The following PICK1 variants were observed in gnomAD, a reference collection of about 807,000 sequenced individuals.
The protein encoded by PICK1 is PRKCA-binding protein.
PICK1 carries 23 observed loss-of-function variants against 48.9 expected under a neutral mutation model. The ratio of observed to expected loss-of-function variants is 0.47; its 90% CI spans 0.34 to 0.67. PICK1 has a LOEUF of 0.67. PICK1 is among the 30% of genes least tolerant of loss of function. The probability of loss-of-function intolerance (pLI) is 0.01; values close to 1 mark genes in which losing one functional copy is unlikely to be tolerated. For synonymous variants in PICK1, 217 were observed against 228.2 expected (o/e 0.95, Z 0.44); for missense variants, 423 against 557.1 (o/e 0.76, Z 2.42).
Position 38,057,542 on chromosome 22 carries a change from G to A in PICK1, c.-103G>A. ...CCTGGAGACCCGTGGGGCGGACTCTGGGATCTGAGCCTATCGCCCTGGCCT... is the reference window on the plus strand; with the variant it reads ...CCTGGAGACCCGTGGGGCGGACTCTAGGATCTGAGCCTATCGCCCTGGCCT... On this transcript the variant is annotated 5_prime_UTR_variant, in exon 1 of 13. Coordinates refer to ENST00000356976, the MANE Select transcript of PICK1 (RefSeq NM_012407.4). The A allele has an allele frequency of 1.9e-6, 1 of 520,602 alleles. No homozygotes were observed. 32.2% of individuals were successfully genotyped at this position (520,602 alleles called of 1,614,324 possible). A position where few individuals can be genotyped will look rare whatever the true frequency, so the allele number is the denominator to read the frequency against.
In PICK1 at chr22:38,067,707, G is replaced by T; in HGVS notation, c.286G>T (p.Glu96Ter). ...VAKMIQEVKG[E>*]VTIHYNKLQA... ...TCTGTGTGTGCTGCTCTTCCAGGGG[G>T]AGGTGACCATCCACTACAACAAGCT... is the stretch of plus-strand genomic sequence containing the variant. Residue 96 changes from glutamate to a stop codon, truncating the protein, a stop_gained, in exon 5 of 13, where the codon GAG becomes TAG. Coordinates refer to ENST00000356976, the MANE Select transcript of PICK1 (RefSeq NM_012407.4). LOFTEE classifies it high-confidence loss of function. 7 of 1,613,742 alleles carry T rather than the reference G, an allele frequency of 4.3e-6. No homozygotes were observed. Among genetic ancestry groups the T allele is most frequent in the Non-Finnish European group, 5.9e-6 (7 of 1,179,662 alleles).
rs760644539 is a variant in PICK1 at position 38,073,056 on chromosome 22, C to T, written c.747C>T (p.Thr249=). The T allele has an allele frequency of 6.2e-7, 1 of 1,613,770 alleles. No individual in the cohort carries two copies. The highest frequency in any genetic ancestry group is 8.5e-7 in the Non-Finnish European group (1 of 1,179,752). ...AAGCCATCCCGGACACTCGCCTCAC[C>T]ATCAAGAAGTACCTGGACGTGAAGT... The part of the protein sequence containing the change: ...LNKAIPDTRL[T]IKKYLDVKFE... Residue 249 remains threonine (T), a synonymous_variant, in exon 10 of 13, where the codon ACC becomes ACT. Coordinates refer to ENST00000356976, the MANE Select transcript of PICK1 (RefSeq NM_012407.4). This position sits in a 1 kb window ranked among gnomAD's most constrained non-coding sequence, Gnocchi z 5.7.
intron 3 of PICK1, among the ~76,000 whole-genome samples, chr22:38,061,882 A>G (rs1352460794): frequency 2.0e-5 from 3 of 152,178 alleles, no homozygotes. Flanking sequence ...CGTCTGGTAG[A>G]TGAGAATTTA....
intron 6 of PICK1, among the ~76,000 whole-genome samples, chr22:38,069,782 G>A (rs1056538643): frequency 6.6e-6 from 1 of 152,144 alleles, no homozygotes; most frequent in Non-Finnish European, 1.5e-5. Flanking sequence ...CAAAAGTGGC[G>A]GCTGCTATTT....
chr22:38,073,835 A>C lies in PICK1; in HGVS notation c.834+12A>C. On this transcript the variant is annotated intron_variant, in intron 11 of 12. Coordinates refer to ENST00000356976, the MANE Select transcript of PICK1 (RefSeq NM_012407.4). The surrounding 1 kb of genome is among the most constrained non-coding windows in gnomAD (Gnocchi z 5.7). ...AATACAGCTGCATTGTGAGTGTTGG[A>C]GGGGGTGGGGGGCTTGTACTTCCCC... 3 of 1,565,004 alleles carry C rather than the reference A, an allele frequency of 1.9e-6. No individual in the cohort carries two copies. The highest frequency in any genetic ancestry group is 1.8e-6 in the Non-Finnish European group (2 of 1,142,806).
rs1371083325 is a variant in PICK1, at chr22:38,066,177, G to T, written c.282+1047G>T. On this transcript the variant is annotated intron_variant, in intron 4 of 12. Transcript: ENST00000356976. This position sits in a 1 kb window ranked among gnomAD's most constrained non-coding sequence, Gnocchi z 4.1. ...CAGAGCTCTGTTGTAAAAAAAGGAA[G>T]CAGCAAGGTTCATTGAGACCCCACA... is the stretch of plus-strand genomic sequence containing the variant. Among the ~76,000 whole-genome samples, 1 of 152,150 alleles carries T rather than the reference G, an allele frequency of 6.6e-6. No homozygotes were observed. Among genetic ancestry groups the T allele is most frequent in the Admixed American group, 6.5e-5 (1 of 15,276 alleles).
chr22:38,074,389 C>T lies in PICK1; in HGVS notation c.917C>T (p.Ala306Val), dbSNP rs1224480074. The T allele has an allele frequency of 5.0e-6, 8 of 1,613,064 alleles. No individual in the cohort carries two copies. The highest frequency in any genetic ancestry group is 6.8e-6 in the Non-Finnish European group (8 of 1,179,954). The change falls in exon 12 of 13, where the codon GCC (alanine) becomes GTC (valine). Residue 306 changes from alanine to valine, a missense_variant. Transcript: ENST00000356976. The surrounding 1 kb of genome is among the most constrained non-coding windows in gnomAD (Gnocchi z 4.5). Reference sequence around the variant, plus strand: ...CTGCGCTGCCGCCAGGAGGCGCGCGCCCGCTTCTCCCAGATGCGCAAGGAT... The same window carrying T: ...CTGCGCTGCCGCCAGGAGGCGCGCGTCCGCTTCTCCCAGATGCGCAAGGAT... Reference protein sequence around the residue: ...LILRCRQEARARFSQMRKDVL... With the variant: ...LILRCRQEARVRFSQMRKDVL...
chr22:38,072,825 G>C (rs2085735276), intron 9 of PICK1, among the ~76,000 whole-genome samples, 175 bp from the exon 10 acceptor site: 1 of 152,132 alleles, frequency 6.6e-6, no homozygotes, highest in African/African-American at 2.4e-5. Flanking sequence ...CTGAGTCACA[G>C]CTTGCCCTAG....
Position 38,065,052 on chromosome 22 carries a change from T to C in PICK1, c.204T>C (p.Asp68=), listed in dbSNP as rs2085492389. ...AALDGTVAAG[D]EITGVNGRSI... Reference sequence around the variant, plus strand: ...TGGACGGCACAGTGGCAGCTGGCGATGAGATCACCGGTGTCAATGGCAGGT... The same window carrying C: ...TGGACGGCACAGTGGCAGCTGGCGACGAGATCACCGGTGTCAATGGCAGGT... Residue 68 remains aspartate (D), a synonymous_variant, in exon 4 of 13, where the codon GAT becomes GAC. Transcript: ENST00000356976. The C allele has an allele frequency of 6.2e-6, 10 of 1,612,958 alleles. No homozygotes were observed. The highest frequency in any genetic ancestry group is 1.3e-5 in the African/African-American group (1 of 74,818).
rs542463447 is a variant in PICK1, at chr22:38,073,514, T to G, written c.784-259T>G. On this transcript the variant is annotated intron_variant, in intron 10 of 12. Coordinates refer to ENST00000356976, the MANE Select transcript of PICK1 (RefSeq NM_012407.4). This position sits in a 1 kb window ranked among gnomAD's most constrained non-coding sequence, Gnocchi z 5.7. Reference sequence around the variant, plus strand: ...GAGCCTTTGCTAGGCTGATGTGCAGTGTGAATTTTCAAGGGTCTTCCTAAG... The same window carrying G: ...GAGCCTTTGCTAGGCTGATGTGCAGGGTGAATTTTCAAGGGTCTTCCTAAG... 2.2e-4 allele frequency among the ~76,000 whole-genome samples: 33 copies of G among 152,332 alleles called. No individual in the cohort carries two copies. The highest frequency in any genetic ancestry group is 3.2e-4 in the Non-Finnish European group (22 of 68,026).
chr22:38,058,271 G>A, intron 2 of PICK1: 1 of 247,222 alleles, frequency 4.0e-6, no homozygotes, highest in East Asian at 9.2e-5. Context: ...TCAAGGAGTG[G>A]GTGCAATGCC....
chr22:38,059,367 G>A, intron 3 of PICK1, 22 bp downstream of exon 3: 1 of 1,447,164 alleles, frequency 6.9e-7, no homozygotes, highest in Non-Finnish European at 9.5e-7. Flanking sequence ...TTTGGAGGGG[G>A]GCACAAGGTA....
chr22:38,067,197 T>TC (rs2085548387), intron 4 of PICK1, among the ~76,000 whole-genome samples: 1 of 151,746 alleles, frequency 6.6e-6, no homozygotes, highest in Non-Finnish European at 1.5e-5. Flanking sequence ...CCCCACTGAT[T>TC]CCCCAGGGCT....
intron 3 of PICK1, among the ~76,000 whole-genome samples, chr22:38,060,532 C>T (rs1000444976): frequency 2.0e-5 from 3 of 152,102 alleles, no homozygotes; most frequent in African/African-American, 7.2e-5. Context: ...TTGTAGGCCT[C>T]GAAGACAGAT....
intron 7 of PICK1, 54 bp from the exon 8 acceptor site, chr22:38,071,628 C>T: frequency 6.6e-7 from 1 of 1,517,672 alleles, no homozygotes. Context: ...TGCCCTGGGC[C>T]AGTGTGGTCC....
intron 3 of PICK1, among the ~76,000 whole-genome samples, chr22:38,062,250 C>CTTT (rs58816852): frequency 7.5e-6 from 1 of 133,724 alleles, no homozygotes; most frequent in Admixed American, 7.5e-5. Context: ...AATTTCCCAT[C>CTTT]TTTTTTTTTT....
intron 8 of PICK1, 113 bp downstream of exon 8, chr22:38,071,857 TG>T: frequency 1.1e-6 from 1 of 911,162 alleles, no homozygotes; most frequent in Non-Finnish European, 1.8e-6. Flanking sequence ...CCCTCTGGGC[TG>T]GGCCTGGTCC....
At chr22:38,058,171 G>T in intron 2 of PICK1, 1 of 425,990 alleles carries the variant, frequency 2.3e-6, no homozygotes, top group Non-Finnish European at 4.4e-6. Context: ...AGGTTTTGAA[G>T]GTTGAATAGG....
rs1423966136 is a variant in PICK1, at chr22:38,074,943, G to T, written c.1059G>T (p.Arg353=). ...ACAACGACTGCTACGCAGTGCTGCGGGATGCCGACGTCTTCCCCATCGAGG... is the reference window on the plus strand; with the variant it reads ...ACAACGACTGCTACGCAGTGCTGCGTGATGCCGACGTCTTCCCCATCGAGG... ...KYYNDCYAVL[R]DADVFPIEVD... is the part of the protein sequence containing the mutation. The change falls in exon 13 of 13, where the codon CGG becomes CGT. Residue 353 remains arginine, a synonymous_variant. Coordinates refer to ENST00000356976, the MANE Select transcript of PICK1 (RefSeq NM_012407.4). This position sits in a 1 kb window ranked among gnomAD's most constrained non-coding sequence, Gnocchi z 4.5. 1 of 1,613,654 alleles carries T rather than the reference G, an allele frequency of 6.2e-7. No homozygotes were observed. The highest frequency in any genetic ancestry group is 8.5e-7 in the Non-Finnish European group (1 of 1,180,054).
Sources: gnomAD v4.1 joint callset for allele counts (sites outside exome capture counted in the v4.1 genomes callset) on GRCh38, gnomAD v4.1.1 for gene constraint, Gnocchi (gnomAD v3.1) non-coding constraint, MANE v1.5 for transcripts, NCBI Gene and HGNC (gene_info 2026-07-23, HGNC 2026-07-21) for gene names.